FTO: variants seen among roughly 807,000 people sequenced by gnomAD.
FTO encodes the protein FTO alpha-ketoglutarate dependent dioxygenase.
In FTO, 47 loss-of-function variants were observed where a neutral mutation model predicts 63.9. The ratio of observed to expected loss-of-function variants is 0.74; its 90% CI spans 0.58 to 0.94. The LOEUF (loss-of-function observed/expected upper bound fraction) is 0.94, where lower values mean the gene tolerates loss of function less well. Among genes scored for constraint, FTO ranks in the 40% least tolerant of loss-of-function variants. The pLI, the probability that FTO is intolerant of heterozygous loss-of-function variation, is 0.00. For missense variants in FTO, 562 were observed against 618.1 expected, an observed-to-expected ratio of 0.91 and a Z score of 0.96; for synonymous variants, 207 against 224.4, an observed-to-expected ratio of 0.92 and a Z score of 0.69.
chr16:53,895,510 C>T (rs888374882), intron 7 of FTO, among the ~76,000 whole-genome samples: 4 of 152,194 alleles, frequency 2.6e-5, no homozygotes, highest in Non-Finnish European at 5.9e-5. Context: ...ATTTCACACA[C>T]AGATACTGTG....
intron 7 of FTO, among the ~76,000 whole-genome samples, chr16:53,896,838 T>C (rs935435488): frequency 1.3e-5 from 2 of 152,168 alleles, no homozygotes; most frequent in Non-Finnish European, 2.9e-5. Flanking sequence ...AATTTGGAAC[T>C]CAGCGCTCCT....
intron 7 of FTO, among the ~76,000 whole-genome samples, chr16:53,927,287 GGA>G (rs974322720): frequency 3.9e-5 from 6 of 152,128 alleles, no homozygotes; most frequent in Non-Finnish European, 8.8e-5. Flanking sequence ...GTGCAGGAAA[GGA>G]AAGGGAAGAA....
At chr16:53,730,248 C>T (rs2076241468) in intron 1 of FTO, among the ~76,000 whole-genome samples, 1 of 152,064 alleles carries the variant, frequency 6.6e-6, no homozygotes, top group Admixed American at 6.5e-5. Context: ...ATTATATATA[C>T]TAACTTCCCA....
chr16:54,036,110 G>GAA (rs1417860777), intron 8 of FTO, among the ~76,000 whole-genome samples: 1 of 152,148 alleles, frequency 6.6e-6, no homozygotes, highest in Non-Finnish European at 1.5e-5. Context: ...ATACCTGATA[G>GAA]ATTAGACCTT....
At chr16:53,745,785 T>G (rs533469484) in intron 1 of FTO, among the ~76,000 whole-genome samples, 1 of 152,318 alleles carries the variant, frequency 6.6e-6, no homozygotes, top group South Asian at 2.1e-4. Context: ...AACCTAAGAT[T>G]TGACTAATCT....
At chr16:53,816,025 ACT>A (rs1195947841) in intron 2 of FTO, among the ~76,000 whole-genome samples, 1 of 150,874 alleles carries the variant, frequency 6.6e-6, no homozygotes, top group East Asian at 2.0e-4. Flanking sequence ...CCAATCATAA[ACT>A]CTCGTCATAG....
intron 5 of FTO, among the ~76,000 whole-genome samples, chr16:53,874,651 G>A (rs1026865459): frequency 1.3e-5 from 2 of 152,202 alleles, no homozygotes; most frequent in Non-Finnish European, 2.9e-5. Context: ...GAGAGGTACA[G>A]GTGCAAGGTC....
At chr16:53,714,937 A>G (rs1482680269) in intron 1 of FTO, among the ~76,000 whole-genome samples, 1 of 152,142 alleles carries the variant, frequency 6.6e-6, no homozygotes, top group African/African-American at 2.4e-5. Context: ...TCAGCAAATG[A>G]AGGAGAACGA....
At chr16:53,710,891 A>G (rs550440149) in intron 1 of FTO, among the ~76,000 whole-genome samples, 1 of 151,696 alleles carries the variant, frequency 6.6e-6, no homozygotes, top group Non-Finnish European at 1.5e-5. Flanking sequence ...GTTACAATAT[A>G]GTGGTGTAGT....
chr16:53,733,135 C>T (rs953455987), intron 1 of FTO, among the ~76,000 whole-genome samples: 5 of 152,230 alleles, frequency 3.3e-5, no homozygotes, highest in South Asian at 2.1e-4. Context: ...CACAGTGGCT[C>T]ACGCCTGTTA....
At chr16:53,872,848 A>G (rs2080537773) in intron 4 of FTO, among the ~76,000 whole-genome samples, 1 of 152,206 alleles carries the variant, frequency 6.6e-6, no homozygotes, top group Admixed American at 6.5e-5. Flanking sequence ...TGGAAACATT[A>G]CAACTCTCTT....
intron 1 of FTO, among the ~76,000 whole-genome samples, chr16:53,802,985 T>C (rs2078264657): frequency 6.6e-6 from 1 of 152,242 alleles, no homozygotes. Context: ...TGTTTCAGTG[T>C]ACTTGTCTAC....
At chr16:53,813,023 T>C (rs1232686488) in intron 2 of FTO, among the ~76,000 whole-genome samples, 1 of 152,022 alleles carries the variant, frequency 6.6e-6, no homozygotes, top group Non-Finnish European at 1.5e-5. Context: ...CGTGTGAAAA[T>C]GGTACAGGAA....
Position 53,880,472 on chromosome 16 carries a change from A to G in FTO, c.1119+485A>G, listed in dbSNP as rs139052145. On this transcript the variant is annotated intron_variant, in intron 6 of 8. Coordinates refer to ENST00000471389, the MANE Select transcript of FTO (RefSeq NM_001080432.3). ...AGTCTCCGTATTTTTGTGTTAGTTCACGAACTTATTCTGTTCAGGCTGCAG... is the reference window on the plus strand; with the variant it reads ...AGTCTCCGTATTTTTGTGTTAGTTCGCGAACTTATTCTGTTCAGGCTGCAG... Among the ~76,000 whole-genome samples, 220 of 152,314 alleles carry G rather than the reference A, an allele frequency of 1.4e-3. 1 individual carries two copies. The highest frequency in any genetic ancestry group is 5.0e-3 in the African/African-American group (209 of 41,572).
intron 1 of FTO, among the ~76,000 whole-genome samples, chr16:53,752,174 C>T (rs1225712647): frequency 6.6e-6 from 1 of 152,090 alleles, no homozygotes; most frequent in Non-Finnish European, 1.5e-5. Context: ...AAACTGTCTT[C>T]AAGACAATTA....
intron 4 of FTO, among the ~76,000 whole-genome samples, chr16:53,851,356 G>A (rs923291530): frequency 3.3e-5 from 5 of 151,434 alleles, no homozygotes; most frequent in African/African-American, 1.2e-4. Context: ...CTACTCGGGA[G>A]GCTGAGGCAT....
intron 8 of FTO, among the ~76,000 whole-genome samples, chr16:54,054,160 C>CTTA (rs2085375684): frequency 6.6e-6 from 1 of 152,088 alleles, no homozygotes; most frequent in Non-Finnish European, 1.5e-5. Context: ...TAAGGAATTC[C>CTTA]TTAGCGGCAA....
chr16:53,992,589 C>T (rs1310379212), intron 8 of FTO: 4 of 152,078 alleles, frequency 2.6e-5, no homozygotes, highest in Non-Finnish European at 2.9e-5. Flanking sequence ...TGATTGCGTC[C>T]TGCCTAGCTT....
Position 54,105,799 on chromosome 16 carries a change from GTGTGTGTGTGTGTGTA to G in FTO, c.1365-5959_1365-5944del, listed in dbSNP as rs1347204137. ...TGTGTGTGTGTGTGTGTGTGTGTGT[GTGTGTGTGTGTGTGTA>G]TGTTACATTTGCTTATTCTGATGAA... On this transcript the variant is annotated intron_variant, in intron 8 of 8. Transcript: ENST00000471389. Among the ~76,000 whole-genome samples, 4 of 145,892 alleles carry G rather than the reference GTGTGTGTGTGTGTGTA, an allele frequency of 2.7e-5. No individual in the cohort carries two copies. In the Admixed American group the frequency reaches 2.8e-4, roughly 10 times the overall value.
Sources: gnomAD v4.1 joint callset for allele counts (sites outside exome capture counted in the v4.1 genomes callset) on GRCh38, gnomAD v4.1.1 for gene constraint, MANE v1.5 for transcripts, NCBI Gene and HGNC (gene_info 2026-07-23, HGNC 2026-07-21) for gene names.